The following MAGI2 variants were observed in gnomAD, a reference collection of about 807,000 sequenced individuals.
MAGI2 encodes the protein membrane associated guanylate kinase, WW and PDZ domain containing 2, also known as membrane-associated guanylate kinase, WW and PDZ domain-containing protein 2.
MAGI2 carries 35 observed loss-of-function variants against 133.3 expected under a neutral mutation model. The observed-to-expected ratio is 0.26, with a 90% CI of 0.20 to 0.35. The LOEUF (loss-of-function observed/expected upper bound fraction) is 0.35, where lower values mean the gene tolerates loss of function less well. Among genes scored for constraint, MAGI2 ranks in the 10% least tolerant of loss-of-function variants. MAGI2 has a pLI of 1.00. For synonymous variants in MAGI2, 729 were observed against 710.6 expected (o/e 1.03, Z -0.41); for missense variants, 1,636 against 1,863.4 (o/e 0.88, Z 2.25).
chr7:78,573,321 AAT>A (rs1233957871), intron 3 of MAGI2, among the ~76,000 whole-genome samples: 6 of 51,428 alleles, frequency 1.2e-4, no homozygotes, highest in South Asian at 5.6e-4. Flanking sequence ...TAAATATATA[AAT>A]ATATATATAA....
intron 1 of MAGI2, among the ~76,000 whole-genome samples, chr7:79,052,106 T>C (rs973234506): frequency 1.3e-5 from 2 of 151,842 alleles, no homozygotes; most frequent in African/African-American, 2.4e-5. Context: ...AGATTAAAAA[T>C]TGTGGGAAAG....
At chr7:78,896,638 G>T (rs528005638) in intron 2 of MAGI2, among the ~76,000 whole-genome samples, 17 of 151,696 alleles carry the variant, frequency 1.1e-4, no homozygotes, top group African/African-American at 3.9e-4. Context: ...TGCAATCTCG[G>T]CTCACTGCAA....
intron 1 of MAGI2, among the ~76,000 whole-genome samples, chr7:79,141,916 C>T (rs559566653): frequency 6.6e-6 from 1 of 152,202 alleles, no homozygotes; most frequent in Admixed American, 6.5e-5. Flanking sequence ...ATGCATAATA[C>T]AATACTTTTA....
chr7:79,315,797 G>A (rs911172961), intron 1 of MAGI2, among the ~76,000 whole-genome samples: 2 of 152,148 alleles, frequency 1.3e-5, no homozygotes, highest in Non-Finnish European at 2.9e-5. Flanking sequence ...TCAAGACTGG[G>A]TGGAGACCTG....
At chr7:79,100,208 G>C (rs566333216) in intron 1 of MAGI2, among the ~76,000 whole-genome samples, 166 of 152,060 alleles carry the variant, frequency 1.1e-3, no homozygotes, top group African/African-American at 3.9e-3. Context: ...ATTAGCCATA[G>C]AAGTAGAATG....
chr7:79,156,487 G>T (rs1177693373), intron 1 of MAGI2, among the ~76,000 whole-genome samples: 3 of 152,044 alleles, frequency 2.0e-5, no homozygotes, highest in African/African-American at 7.2e-5. Flanking sequence ...TAGAACCTTG[G>T]TCTCCACAAT....
At chr7:78,040,644 C>T (rs185817667) in intron 21 of MAGI2, among the ~76,000 whole-genome samples, 2 of 152,248 alleles carry the variant, frequency 1.3e-5, no homozygotes, top group Admixed American at 1.3e-4. Flanking sequence ...GGGAACCGCA[C>T]CCGGGGCAGG....
intron 1 of MAGI2, among the ~76,000 whole-genome samples, chr7:79,206,097 A>G (rs1235495443): frequency 2.0e-5 from 3 of 151,796 alleles, no homozygotes; most frequent in African/African-American, 7.3e-5. Flanking sequence ...AGGGAAGTTT[A>G]CAGCAATAAA....
chr7:79,137,182 G>A (rs771339958), intron 1 of MAGI2, among the ~76,000 whole-genome samples: 20 of 152,044 alleles, frequency 1.3e-4, no homozygotes, highest in African/African-American at 2.4e-4. Context: ...CTCCAAACCC[G>A]TAAGACCCTT....
At chr7:78,557,244 A>T (rs1799935982) in intron 3 of MAGI2, among the ~76,000 whole-genome samples, 1 of 152,100 alleles carries the variant, frequency 6.6e-6, no homozygotes, top group South Asian at 2.1e-4. Flanking sequence ...CAATTTCTGC[A>T]TTCATCTTTC....
chr7:78,742,876 G>A (rs966336664), intron 2 of MAGI2, among the ~76,000 whole-genome samples: 4 of 152,160 alleles, frequency 2.6e-5, no homozygotes, highest in African/African-American at 9.7e-5. Flanking sequence ...GTCTGATTGG[G>A]CTTCCCCACA....
chr7:78,805,466 A>G (rs1341468672), intron 2 of MAGI2, among the ~76,000 whole-genome samples: 1 of 152,174 alleles, frequency 6.6e-6, no homozygotes, highest in African/African-American at 2.4e-5. Context: ...TAGAATGATA[A>G]GAAATACAGT....
At chr7:78,427,055 G>C (rs1255076674) in intron 6 of MAGI2, among the ~76,000 whole-genome samples, 1 of 151,954 alleles carries the variant, frequency 6.6e-6, no homozygotes. Flanking sequence ...TCTAAAGTGT[G>C]GCAAGTTAAG....
At chr7:78,747,052 T>C (rs1026843431) in intron 2 of MAGI2, among the ~76,000 whole-genome samples, 2 of 152,158 alleles carry the variant, frequency 1.3e-5, no homozygotes, top group Admixed American at 1.3e-4. Flanking sequence ...ATATACCAAG[T>C]GCACATACGC....
chr7:78,422,580 C>CAA (rs11441295), intron 6 of MAGI2, among the ~76,000 whole-genome samples: 9,470 of 112,800 alleles, frequency 0.084, 940 homozygotes, highest in African/African-American at 0.25. Context: ...TGTGTAAAGG[C>CAA]AAAAAAAAAA....
intron 6 of MAGI2, among the ~76,000 whole-genome samples, chr7:78,387,485 A>G (rs976834948): frequency 2.0e-5 from 3 of 152,182 alleles, no homozygotes; most frequent in Non-Finnish European, 4.4e-5. Flanking sequence ...GGGAATTTGA[A>G]CTTGAAAATT....
At chr7:78,156,821 A>AT (rs1219973382) in intron 16 of MAGI2, among the ~76,000 whole-genome samples, 1 of 149,460 alleles carries the variant, frequency 6.7e-6, no homozygotes, top group Non-Finnish European at 1.5e-5. Context: ...GAAAAAAAAA[A>AT]CAAACCCAAA....
At chr7:78,653,480 T>C (rs888775908) in intron 2 of MAGI2, among the ~76,000 whole-genome samples, 33 of 152,172 alleles carry the variant, frequency 2.2e-4, no homozygotes, top group African/African-American at 7.2e-4. Flanking sequence ...TCATGTCCTT[T>C]GCAGGGACAT....
chr7:78,664,538 T>G (rs1330690044), intron 2 of MAGI2, among the ~76,000 whole-genome samples: 1 of 152,022 alleles, frequency 6.6e-6, no homozygotes, highest in African/African-American at 2.4e-5. Flanking sequence ...CTTTATGCAC[T>G]AGTATGTTTT....
Sources: gnomAD v4.1 joint callset for allele counts (sites outside exome capture counted in the v4.1 genomes callset) on GRCh38, gnomAD v4.1.1 for gene constraint, MANE v1.5 for transcripts, NCBI Gene and HGNC (gene_info 2026-07-23, HGNC 2026-07-21) for gene names.